Variants in SLC24A2 observed in about 807,000 individuals in gnomAD.
SLC24A2 encodes the protein sodium/potassium/calcium exchanger 2.
Under a neutral mutation model 62.0 loss-of-function variants are expected in SLC24A2, and 36 were observed. That is an observed-to-expected ratio of 0.58 (90% CI 0.44 to 0.77). The LOEUF (loss-of-function observed/expected upper bound fraction) is 0.77. SLC24A2 is among the 30% of genes least tolerant of loss of function. SLC24A2 has a pLI of 0.00. For synonymous variants in SLC24A2, 358 were observed against 294.0 expected (o/e 1.22, Z -2.23); for missense variants, 846 against 817.9 (o/e 1.03, Z -0.42).
At chr9:20,178,955 G>C in the SLC24A2 span, among the ~76,000 whole-genome samples, 2 of 152,078 alleles carry the variant, frequency 1.3e-5, no homozygotes, top group Non-Finnish European at 2.9e-5. Context: ...ACCAGCTTGG[G>C]CTCAGAAAGA....
At chr9:19,835,309 G>C in the SLC24A2 span, among the ~76,000 whole-genome samples, 2 of 152,194 alleles carry the variant, frequency 1.3e-5, no homozygotes, top group African/African-American at 4.8e-5. Flanking sequence ...AGACACATCA[G>C]TGTGCTGTAT....
At chr9:19,748,444 A>G (rs193239690) in intron 2 of SLC24A2, among the ~76,000 whole-genome samples, 1 of 152,276 alleles carries the variant, frequency 6.6e-6, no homozygotes, top group East Asian at 1.9e-4. Flanking sequence ...GTAGTGGGGT[A>G]AGTGGTGGAA....
the SLC24A2 span, among the ~76,000 whole-genome samples, chr9:20,163,673 A>G: frequency 2.0e-5 from 3 of 152,182 alleles, no homozygotes; most frequent in African/African-American, 7.2e-5. Context: ...CGCATCACCA[A>G]GTCAATCCTA....
chr9:19,868,296 A>G, the SLC24A2 span, among the ~76,000 whole-genome samples: 281 of 152,126 alleles, frequency 1.8e-3, 1 homozygote, highest in Non-Finnish European at 2.8e-3. Flanking sequence ...CAAATATTCT[A>G]TTGTGAATCT....
At chr9:20,236,394 T>C in the SLC24A2 span, among the ~76,000 whole-genome samples, 3 of 152,204 alleles carry the variant, frequency 2.0e-5, no homozygotes, top group South Asian at 4.1e-4. Flanking sequence ...TGTTTATTGA[T>C]TTCCAAGAAT....
chr9:20,241,961 C>A, the SLC24A2 span, among the ~76,000 whole-genome samples: 1 of 152,198 alleles, frequency 6.6e-6, no homozygotes, highest in Non-Finnish European at 1.5e-5. Flanking sequence ...TAAAGTTCAC[C>A]TTTTCATTCT....
chr9:19,782,845 G>C (rs997928459), intron 2 of SLC24A2, among the ~76,000 whole-genome samples: 3 of 152,168 alleles, frequency 2.0e-5, no homozygotes, highest in Non-Finnish European at 4.4e-5. Flanking sequence ...CTGAGGCTTA[G>C]AGAGTTAAAA....
chr9:19,679,535 A>G (rs972729225), intron 2 of SLC24A2, among the ~76,000 whole-genome samples: 3 of 152,150 alleles, frequency 2.0e-5, no homozygotes, highest in Admixed American at 1.3e-4. Context: ...AGGGATTAGC[A>G]TTTGACTCAG....
chr9:19,612,391 G>T (rs767067557), intron 4 of SLC24A2, among the ~76,000 whole-genome samples: 14 of 152,102 alleles, frequency 9.2e-5, no homozygotes, highest in Non-Finnish European at 1.9e-4. Flanking sequence ...TGTTGCCCAG[G>T]CTGCTCTTGT....
intron 7 of SLC24A2, among the ~76,000 whole-genome samples, chr9:19,560,489 C>T (rs1255398220): frequency 6.6e-6 from 1 of 152,222 alleles, no homozygotes; most frequent in Non-Finnish European, 1.5e-5. Context: ...TCTTTCCCCT[C>T]AGGGTGCACA....
the SLC24A2 span, among the ~76,000 whole-genome samples, chr9:19,884,588 A>G: frequency 6.6e-6 from 1 of 152,190 alleles, no homozygotes; most frequent in Non-Finnish European, 1.5e-5. Flanking sequence ...TATTCCTAAA[A>G]TATATTCTTA....
At chr9:19,910,878 G>C in the SLC24A2 span, among the ~76,000 whole-genome samples, 1 of 124,186 alleles carries the variant, frequency 8.1e-6, no homozygotes, top group South Asian at 3.1e-4. Context: ...TCACCAGGCA[G>C]TGAGGTCCTT....
chr9:19,837,388 C>T, the SLC24A2 span, among the ~76,000 whole-genome samples: 1 of 127,572 alleles, frequency 7.8e-6, no homozygotes, highest in Admixed American at 9.7e-5. Context: ...GGAAGTGGAG[C>T]TTGCAGTGAG....
chr9:20,264,041 C>T, the SLC24A2 span, among the ~76,000 whole-genome samples: 3 of 152,138 alleles, frequency 2.0e-5, no homozygotes, highest in Non-Finnish European at 4.4e-5. Flanking sequence ...AGACCCAATG[C>T]TTCTTCCTCC....
chr9:19,892,121 T>C, the SLC24A2 span, among the ~76,000 whole-genome samples: 48 of 152,308 alleles, frequency 3.2e-4, no homozygotes, highest in Non-Finnish European at 6.2e-4. Flanking sequence ...CTAGTTGTAC[T>C]TCAGGGTCTT....
At chr9:19,833,591 G>A in the SLC24A2 span, among the ~76,000 whole-genome samples, 7 of 152,348 alleles carry the variant, frequency 4.6e-5, no homozygotes, top group Non-Finnish European at 8.8e-5. Context: ...GCTTGAACTG[G>A]GTGGAGCCCA....
the SLC24A2 span, among the ~76,000 whole-genome samples, chr9:19,829,294 T>A: frequency 6.6e-6 from 1 of 152,114 alleles, no homozygotes; most frequent in Non-Finnish European, 1.5e-5. Flanking sequence ...AGAGAGCAGT[T>A]TGGAGCACCG....
At chr9:19,556,402 C>A (rs747601932) in intron 7 of SLC24A2, among the ~76,000 whole-genome samples, 2 of 152,164 alleles carry the variant, frequency 1.3e-5, no homozygotes, top group Non-Finnish European at 1.5e-5. Flanking sequence ...GTGAAGGGCA[C>A]TGAGCAAGAT....
At chr9:19,924,065 A>AACAGAAATT in the SLC24A2 span, among the ~76,000 whole-genome samples, 1 of 152,232 alleles carries the variant, frequency 6.6e-6, no homozygotes, top group Non-Finnish European at 1.5e-5. Flanking sequence ...GTGATGAACA[A>AACAGAAATT]ACAGAAATTA....
Sources: gnomAD v4.1 joint callset for allele counts (sites outside exome capture counted in the v4.1 genomes callset) on GRCh38, gnomAD v4.1.1 for gene constraint, MANE v1.5 for transcripts, NCBI Gene and HGNC (gene_info 2026-07-23, HGNC 2026-07-21) for gene names.